The following SOX6 variants were observed in gnomAD, a reference collection of about 807,000 sequenced individuals.
SOX6 encodes the protein SRY-box transcription factor 6.
In SOX6, 11 loss-of-function variants were observed where a neutral mutation model predicts 97.8. The ratio of observed to expected loss-of-function variants is 0.11; its 90% CI spans 0.07 to 0.19. The LOEUF (loss-of-function observed/expected upper bound fraction) is 0.19, where lower values mean the gene tolerates loss of function less well. SOX6 is among the 10% of genes least tolerant of loss of function. The probability of loss-of-function intolerance (pLI) is 1.00; values close to 1 mark genes in which losing one functional copy is unlikely to be tolerated. For missense variants in SOX6, 810 were observed against 1,039.5 expected (o/e 0.78, Z 3.04); for synonymous variants, 360 against 371.4 (o/e 0.97, Z 0.35).
chr11:16,162,060 G>C (rs898809076), intron 6 of SOX6, among the ~76,000 whole-genome samples: 1 of 152,108 alleles, frequency 6.6e-6, no homozygotes, highest in East Asian at 1.9e-4. Context: ...TGTAATAATT[G>C]TTCCTTGCTT....
At chr11:16,267,561 G>A (rs1331114233) in intron 3 of SOX6, among the ~76,000 whole-genome samples, 2 of 151,622 alleles carry the variant, frequency 1.3e-5, no homozygotes, top group Admixed American at 1.3e-4. Context: ...TGGCAAGGAT[G>A]TGGAGAAAAG....
chr11:16,150,355 C>G (rs1850427887), intron 6 of SOX6, among the ~76,000 whole-genome samples: 1 of 152,160 alleles, frequency 6.6e-6, no homozygotes, highest in South Asian at 2.1e-4. Flanking sequence ...TGGCCCTGGA[C>G]AAGCTAGCAG....
intron 6 of SOX6, among the ~76,000 whole-genome samples, chr11:16,143,742 A>T (rs1397487092): frequency 6.6e-6 from 1 of 152,198 alleles, no homozygotes; most frequent in Non-Finnish European, 1.5e-5. Context: ...ACAAAGATCA[A>T]AAGAGACAAA....
chr11:16,066,543 T>A (rs1005243311), intron 9 of SOX6, among the ~76,000 whole-genome samples: 10 of 152,290 alleles, frequency 6.6e-5, no homozygotes, highest in African/African-American at 1.9e-4. Context: ...AATGTGGTAC[T>A]TATACACAGT....
intron 4 of SOX6, among the ~76,000 whole-genome samples, chr11:16,513,124 T>C (rs1221673575): frequency 1.3e-5 from 2 of 152,132 alleles, no homozygotes; most frequent in African/African-American, 4.8e-5. Flanking sequence ...TAGAAAGTGA[T>C]AGAGACAAAA....
intron 4 of SOX6, among the ~76,000 whole-genome samples, chr11:16,232,798 CGTGCAAA>C (rs1852899391): frequency 6.6e-6 from 1 of 152,044 alleles, no homozygotes; most frequent in Non-Finnish European, 1.5e-5. Context: ...CACAGAATGA[CGTGCAAA>C]GTAGCAAACA....
At chr11:16,349,344 A>G (rs1477951731) in intron 1 of SOX6, among the ~76,000 whole-genome samples, 2 of 152,034 alleles carry the variant, frequency 1.3e-5, no homozygotes, top group Non-Finnish European at 2.9e-5. Context: ...AGGCCTGCTG[A>G]GGTGGCTCAT....
At chr11:16,343,122 G>T (rs1018820229) in intron 1 of SOX6, among the ~76,000 whole-genome samples, 1 of 151,518 alleles carries the variant, frequency 6.6e-6, no homozygotes, top group Non-Finnish European at 1.5e-5. Flanking sequence ...TAAGAGAATT[G>T]CTGTATGGCT....
At chr11:16,267,309 C>G (rs528337678) in intron 3 of SOX6, among the ~76,000 whole-genome samples, 1 of 151,258 alleles carries the variant, frequency 6.6e-6, no homozygotes, top group South Asian at 2.1e-4. Flanking sequence ...AAGGGATTAA[C>G]GTCCAAAATA....
At chr11:16,531,594 T>C (rs1861237362) in intron 4 of SOX6, among the ~76,000 whole-genome samples, 1 of 151,846 alleles carries the variant, frequency 6.6e-6, no homozygotes. Flanking sequence ...CTGTCACATG[T>C]TGGAATCTGG....
chr11:16,053,397 C>T (rs1564928242), intron 10 of SOX6, among the ~76,000 whole-genome samples: 2 of 152,054 alleles, frequency 1.3e-5, no homozygotes, highest in African/African-American at 2.4e-5. Flanking sequence ...TCCCTGTGTA[C>T]AACTAGATAT....
Position 16,649,421 on chromosome 11 carries a change from C to A in SOX6, n.430-37161G>T, listed in dbSNP as rs145132896. ...AACCTATCAGATTAACAGAAGACTT[C>A]TCAGCAGAAACCTTACAAAGCCAGA... On this transcript the variant is annotated intron_variant and non_coding_transcript_variant, in intron 3 of 5. Coordinates refer to the SOX6 transcript ENST00000524520. Among the ~76,000 whole-genome samples, 58 of 152,300 alleles carry A rather than the reference C, an allele frequency of 3.8e-4. No individual in the cohort carries two copies. In the East Asian group the frequency reaches 6.2e-3, roughly 16 times the overall value.
chr11:15,988,304 C>G (rs1277807203), intron 14 of SOX6, among the ~76,000 whole-genome samples: 1 of 152,166 alleles, frequency 6.6e-6, no homozygotes, highest in African/African-American at 2.4e-5. Context: ...AAGCTCTACA[C>G]TAATAGAACA....
chr11:16,065,240 G>C (rs1848066468), intron 9 of SOX6, among the ~76,000 whole-genome samples: 2 of 151,612 alleles, frequency 1.3e-5, no homozygotes, highest in South Asian at 4.2e-4. Flanking sequence ...ATCTGAAAAA[G>C]AAATTAAAAA....
chr11:16,246,095 C>T (rs1178516014), intron 3 of SOX6, among the ~76,000 whole-genome samples: 2 of 150,706 alleles, frequency 1.3e-5, no homozygotes, highest in Non-Finnish European at 1.5e-5. Flanking sequence ...AATGATTGAT[C>T]CAGGGTTTAT....
intron 6 of SOX6, among the ~76,000 whole-genome samples, chr11:16,143,972 G>C (rs1198400350): frequency 1.3e-5 from 2 of 152,078 alleles, no homozygotes; most frequent in Non-Finnish European, 2.9e-5. Flanking sequence ...GGATATCCAG[G>C]AATTGAACTC....
At chr11:16,644,088 TG>T (rs1407042941) in intron 3 of SOX6, among the ~76,000 whole-genome samples, 1 of 152,214 alleles carries the variant, frequency 6.6e-6, no homozygotes, top group African/African-American at 2.4e-5. Flanking sequence ...TCACCCAGGC[TG>T]GAGTGCAATG....
chr11:16,070,422 G>T (rs1389216143), intron 9 of SOX6, among the ~76,000 whole-genome samples: 1 of 152,140 alleles, frequency 6.6e-6, no homozygotes, highest in Non-Finnish European at 1.5e-5. Context: ...CCAGTCCATT[G>T]TTACAAAAGT....
At chr11:16,648,334 C>T (rs1429207483) in intron 3 of SOX6, among the ~76,000 whole-genome samples, 1 of 152,124 alleles carries the variant, frequency 6.6e-6, no homozygotes, top group Non-Finnish European at 1.5e-5. Context: ...CTCACAGTGG[C>T]CATGGCAGGC....
Sources: gnomAD v4.1 joint callset for allele counts (sites outside exome capture counted in the v4.1 genomes callset) on GRCh38, gnomAD v4.1.1 for gene constraint, MANE v1.5 for transcripts, NCBI Gene and HGNC (gene_info 2026-07-23, HGNC 2026-07-21) for gene names.